Variants in FGF14 observed in about 807,000 individuals in gnomAD.
The protein encoded by FGF14 is fibroblast growth factor homologous factor 4.
FGF14 carries 5 observed loss-of-function variants against 25.5 expected under a neutral mutation model. That is an observed-to-expected ratio of 0.20 (90% confidence interval 0.10 to 0.41). The LOEUF (loss-of-function observed/expected upper bound fraction) is 0.41. Among genes scored for constraint, FGF14 ranks in the 10% least tolerant of loss-of-function variants. The pLI is 1.00. For synonymous variants in FGF14, 138 were observed against 118.3 expected, an observed-to-expected ratio of 1.17 and a Z score of -1.08; for missense variants, 222 against 320.1, an observed-to-expected ratio of 0.69 and a Z score of 2.34.
chr13:102,089,863 G>A (rs2044089865), intron 1 of FGF14, among the ~76,000 whole-genome samples: 1 of 152,156 alleles, frequency 6.6e-6, no homozygotes, highest in African/African-American at 2.4e-5. Context: ...GTTCTTTTCT[G>A]CACTGTGTAG....
At chr13:101,988,527 T>TA (rs2038717217) in intron 1 of FGF14, among the ~76,000 whole-genome samples, 3 of 151,756 alleles carry the variant, frequency 2.0e-5, no homozygotes. Flanking sequence ...TATGCAGCCA[T>TA]AAAAAAGGAT....
At chr13:101,786,856 G>T (rs1247767411) in intron 3 of FGF14, among the ~76,000 whole-genome samples, 5 of 152,056 alleles carry the variant, frequency 3.3e-5, no homozygotes, top group Non-Finnish European at 7.4e-5. Flanking sequence ...TATATAGGCT[G>T]GTGGAAGTTG....
In FGF14 at chr13:102,380,462, T is replaced by C. The variant is rs563882519; in HGVS notation, c.208+21009A>G. On this transcript the variant is annotated intron_variant, in intron 1 of 4. Transcript: ENST00000376131. ...CTCCCAGTTTCAGGGTTCAAGTTCA[T>C]GGCTGCAACTTTCCTCAGATGATTG... is the stretch of plus-strand genomic sequence containing the variant. Among the ~76,000 whole-genome samples the C allele has an allele frequency of 1.4e-3, 211 of 152,306 alleles. 2 individuals carry two copies. Among genetic ancestry groups the C allele is most frequent in the Middle Eastern group, 6.8e-3 (2 of 294 alleles).
intron 1 of FGF14, among the ~76,000 whole-genome samples, chr13:101,998,462 T>C (rs780772515): frequency 2.0e-5 from 3 of 152,102 alleles, no homozygotes; most frequent in Non-Finnish European, 4.4e-5. Flanking sequence ...TTAATTACAG[T>C]GGGTTAATAG....
intron 1 of FGF14, among the ~76,000 whole-genome samples, chr13:102,000,082 G>A (rs1160606782): frequency 2.6e-5 from 4 of 152,308 alleles, no homozygotes; most frequent in African/African-American, 4.8e-5. Context: ...TTGGGAGGCC[G>A]AGGCGGGCGG....
chr13:101,928,250 C>A (rs1302516006), intron 1 of FGF14, among the ~76,000 whole-genome samples: 1 of 152,200 alleles, frequency 6.6e-6, no homozygotes, highest in Non-Finnish European at 1.5e-5. Flanking sequence ...AGGCTTTCGG[C>A]TTCATTGATA....
At chr13:101,871,620 T>C (rs530148113) in intron 2 of FGF14, among the ~76,000 whole-genome samples, 10 of 152,012 alleles carry the variant, frequency 6.6e-5, no homozygotes, top group African/African-American at 1.9e-4. Context: ...GTAGTAGCTA[T>C]TGTCTGTCAG....
At chr13:102,282,029 G>A (rs888976821) in intron 1 of FGF14, among the ~76,000 whole-genome samples, 1 of 150,956 alleles carries the variant, frequency 6.6e-6, no homozygotes, top group African/African-American at 2.4e-5. Flanking sequence ...AGATGCCACA[G>A]AGGCTGACCT....
chr13:101,828,939 A>T (rs2042539260), intron 3 of FGF14, among the ~76,000 whole-genome samples: 1 of 152,008 alleles, frequency 6.6e-6, no homozygotes, highest in African/African-American at 2.4e-5. Flanking sequence ...ATATCATACT[A>T]GGTGTTAGAG....
intron 1 of FGF14, among the ~76,000 whole-genome samples, chr13:102,189,100 GGAGAGAGAGATA>G (rs2049023938): frequency 6.8e-6 from 1 of 147,928 alleles, no homozygotes; most frequent in African/African-American, 2.5e-5. Context: ...GAGAAAGGAG[GGAGAGAGAGATA>G]GAGAGAGAGA....
At chr13:101,729,913 G>C (rs997593369) in intron 3 of FGF14, among the ~76,000 whole-genome samples, 22 of 152,082 alleles carry the variant, frequency 1.4e-4, no homozygotes, top group African/African-American at 5.3e-4. Flanking sequence ...TAAAATACTA[G>C]AGTGATTATA....
chr13:102,169,685 C>A (rs1345667521), intron 1 of FGF14, among the ~76,000 whole-genome samples: 1 of 152,076 alleles, frequency 6.6e-6, no homozygotes, highest in Non-Finnish European at 1.5e-5. Context: ...GTTAACTGAT[C>A]TAAATCTGCT....
At chr13:101,825,476 T>G (rs1253615224) in intron 3 of FGF14, among the ~76,000 whole-genome samples, 1 of 152,204 alleles carries the variant, frequency 6.6e-6, no homozygotes, top group Non-Finnish European at 1.5e-5. Flanking sequence ...AAAATACCAT[T>G]AATTTTATCT....
upstream of FGF14, among the ~76,000 whole-genome samples, chr13:101,918,213 C>A (rs550689140): frequency 4.1e-4 from 62 of 152,160 alleles, no homozygotes; most frequent in South Asian, 2.1e-4. Flanking sequence ...AACAAAAAGC[C>A]GGGGGGAGGT....
At position 101,712,825 on chromosome 13, in the gene FGF14, C is replaced by G. The variant is rs1465694060; in HGVS notation, c.*10006G>C. On this transcript the variant is annotated 3_prime_UTR_variant, in exon 5 of 5. Transcript: ENST00000376143. ...GTCTTCAAAATTAGGATAAAGAAAT[C>G]TCTAAAATCAGGAAATTCCTCACCT... is the stretch of plus-strand genomic sequence containing the variant. 1 of 152,100 alleles carries G rather than the reference C, an allele frequency of 6.6e-6. No individual in the cohort carries two copies. Among genetic ancestry groups the G allele is most frequent in the Non-Finnish European group, 1.5e-5 (1 of 68,032 alleles). The allele number at this position is 152,100 out of a possible 1,614,324, so 9.4% of individuals were successfully genotyped here. A position where few individuals can be genotyped will look rare whatever the true frequency, so the allele number is the denominator to read the frequency against.
intron 1 of FGF14, among the ~76,000 whole-genome samples, chr13:101,968,629 T>C (rs185895061): frequency 1.7e-4 from 23 of 138,258 alleles, no homozygotes; most frequent in Middle Eastern, 3.9e-3. Flanking sequence ...GCTGAGATCG[T>C]GCCACTGCAA....
intron 1 of FGF14, among the ~76,000 whole-genome samples, chr13:102,370,991 GA>G (rs1231284967): frequency 1.3e-5 from 2 of 149,232 alleles, no homozygotes; most frequent in Non-Finnish European, 3.0e-5. Flanking sequence ...TTCTAACTTA[GA>G]AATGTCTTGC....
At chr13:101,953,249 TGCACCAACG>T (rs1566487002) in intron 1 of FGF14, among the ~76,000 whole-genome samples, 1 of 152,210 alleles carries the variant, frequency 6.6e-6, no homozygotes, top group Non-Finnish European at 1.5e-5. Flanking sequence ...GGTTCATCTG[TGCACCAACG>T]GTTTTATATT....
chr13:102,161,593 A>G (rs1432639724), intron 1 of FGF14, among the ~76,000 whole-genome samples: 183 of 3,266 alleles, frequency 0.056, 1 homozygote, highest in Non-Finnish European at 0.064. Context: ...GAAGAAGAAG[A>G]AGAAGAAGAA....
Sources: allele counts gnomAD v4.1 joint callset (sites outside exome capture counted in the v4.1 genomes callset), GRCh38; gene constraint gnomAD v4.1.1; transcripts MANE v1.5; gene names NCBI Gene and HGNC (gene_info 2026-07-23, HGNC 2026-07-21).